The following ZMAT4 variants were observed in gnomAD, a reference collection of about 807,000 sequenced individuals.
ZMAT4 encodes the protein zinc finger matrin-type 4.
In ZMAT4, 17 loss-of-function variants were observed where a neutral mutation model predicts 28.7. The observed-to-expected ratio is 0.59, with a 90% CI of 0.41 to 0.89. The LOEUF (loss-of-function observed/expected upper bound fraction) is 0.89. Ranked by LOEUF, ZMAT4 falls within the 40% of genes least tolerant of loss-of-function variation. The pLI, the probability that ZMAT4 is intolerant of heterozygous loss-of-function variation, is 0.00. For missense variants in ZMAT4, 240 were observed against 283.8 expected (o/e 0.85, Z 1.11); for synonymous variants, 117 against 109.2 (o/e 1.07, Z -0.44).
At chr8:40,594,943 T>C (rs894798057) in intron 5 of ZMAT4, among the ~76,000 whole-genome samples, 2 of 152,196 alleles carry the variant, frequency 1.3e-5, no homozygotes, top group Non-Finnish European at 2.9e-5. Flanking sequence ...AGATACAACA[T>C]TACACGAACA....
chr8:40,755,332 T>C (rs1265486577), intron 3 of ZMAT4, among the ~76,000 whole-genome samples: 1 of 152,154 alleles, frequency 6.6e-6, no homozygotes, highest in Admixed American at 6.5e-5. Context: ...GGATATACCA[T>C]CCCTGTTGCA....
intron 3 of ZMAT4, among the ~76,000 whole-genome samples, chr8:40,711,172 C>T (rs886617666): frequency 3.9e-5 from 6 of 152,100 alleles, no homozygotes; most frequent in Admixed American, 3.9e-4. Flanking sequence ...GATAGGGAAC[C>T]AGTTCTTTAA....
At chr8:40,879,724 A>G (rs1485932750) in intron 1 of ZMAT4, among the ~76,000 whole-genome samples, 1 of 152,232 alleles carries the variant, frequency 6.6e-6, no homozygotes, top group Non-Finnish European at 1.5e-5. Context: ...AACAAAAATC[A>G]TCAATCATCT....
At chr8:40,651,884 G>C (rs1807676100) in intron 5 of ZMAT4, among the ~76,000 whole-genome samples, 1 of 123,288 alleles carries the variant, frequency 8.1e-6, no homozygotes, top group Admixed American at 8.6e-5. Context: ...GCCATATGTA[G>C]AAAGCTGAAA....
In ZMAT4 at chr8:40,827,019, G is replaced by A. The variant is rs115623081; in HGVS notation, c.-4-1339C>T. On this transcript the variant is annotated intron_variant, in intron 1 of 6. Transcript: ENST00000297737. Reference sequence around the variant, plus strand: ...ATCTCAGACAACAGCAATATGGTAGGCACTTTGGACTTTATCTTATTTCAC... The same window carrying A: ...ATCTCAGACAACAGCAATATGGTAGACACTTTGGACTTTATCTTATTTCAC... 6.4e-3 allele frequency among the ~76,000 whole-genome samples: 969 copies of A among 152,284 alleles called. 11 individuals carry two copies. Among genetic ancestry groups the A allele is most frequent in the African/African-American group, 0.022 (912 of 41,560 alleles).
At chr8:40,819,285 C>T (rs981751686) in intron 2 of ZMAT4, among the ~76,000 whole-genome samples, 1 of 152,158 alleles carries the variant, frequency 6.6e-6, no homozygotes, top group African/African-American at 2.4e-5. Flanking sequence ...GAAAACTTTC[C>T]CACTGGCTTG....
At chr8:40,752,185 C>A (rs956098452) in intron 3 of ZMAT4, among the ~76,000 whole-genome samples, 1 of 152,174 alleles carries the variant, frequency 6.6e-6, no homozygotes, top group African/African-American at 2.4e-5. Context: ...CTTTGTGACA[C>A]CAGGGTGCCC....
At chr8:40,701,726 C>CA (rs1356224740) in intron 3 of ZMAT4, among the ~76,000 whole-genome samples, 1 of 151,678 alleles carries the variant, frequency 6.6e-6, no homozygotes, top group African/African-American at 2.4e-5. Flanking sequence ...CCATGTTGGC[C>CA]AAGCTAGTCT....
intron 1 of ZMAT4, among the ~76,000 whole-genome samples, chr8:40,865,413 G>T (rs186180986): frequency 1.6e-3 from 242 of 152,332 alleles, no homozygotes; most frequent in Non-Finnish European, 3.0e-3. Context: ...GCAGATCTGG[G>T]CCATGGAGAG....
At chr8:40,855,318 C>A (rs1404887363) in intron 1 of ZMAT4, among the ~76,000 whole-genome samples, 1 of 152,122 alleles carries the variant, frequency 6.6e-6, no homozygotes, top group Non-Finnish European at 1.5e-5. Context: ...TGGTTATGGG[C>A]TTTTCTGCTG....
intron 5 of ZMAT4, among the ~76,000 whole-genome samples, chr8:40,617,264 G>A (rs571912651): frequency 3.3e-5 from 5 of 152,164 alleles, no homozygotes; most frequent in African/African-American, 7.2e-5. Flanking sequence ...ATGTTGGAAC[G>A]TTGGTTGCAA....
At chr8:40,617,092 T>C (rs1401189407) in intron 5 of ZMAT4, among the ~76,000 whole-genome samples, 3 of 152,152 alleles carry the variant, frequency 2.0e-5, no homozygotes, top group Non-Finnish European at 4.4e-5. Context: ...CACAATGTGA[T>C]ATCGTGACAT....
intron 3 of ZMAT4, among the ~76,000 whole-genome samples, chr8:40,731,921 A>C (rs143984394): frequency 1.5e-3 from 233 of 152,320 alleles, no homozygotes; most frequent in African/African-American, 5.5e-3. Context: ...ACAAATGCTG[A>C]AACATGGATG....
intron 5 of ZMAT4, among the ~76,000 whole-genome samples, chr8:40,582,174 G>T (rs960618060): frequency 1.3e-5 from 2 of 152,156 alleles, no homozygotes; most frequent in Non-Finnish European, 2.9e-5. Context: ...CCATCTACAA[G>T]ACGAAGACAA....
chr8:40,804,806 A>T (rs1051854526), intron 2 of ZMAT4, among the ~76,000 whole-genome samples: 12 of 152,078 alleles, frequency 7.9e-5, no homozygotes, highest in Admixed American at 7.9e-4. Context: ...GGGCCATTGC[A>T]CTCCAGCCTG....
At chr8:40,686,867 G>C (rs370362636) in intron 4 of ZMAT4, among the ~76,000 whole-genome samples, 8 of 152,020 alleles carry the variant, frequency 5.3e-5, no homozygotes, top group Admixed American at 4.6e-4. Flanking sequence ...TACTTTGCAG[G>C]CATCTTGACC....
chr8:40,705,626 CAG>C (rs1204661722), intron 3 of ZMAT4, among the ~76,000 whole-genome samples: 1 of 152,082 alleles, frequency 6.6e-6, no homozygotes, highest in African/African-American at 2.4e-5. Flanking sequence ...TTTTAATTGA[CAG>C]ATAAAATTCT....
intron 2 of ZMAT4, among the ~76,000 whole-genome samples, chr8:40,803,018 T>C (rs1166989921): frequency 6.6e-6 from 1 of 152,068 alleles, no homozygotes; most frequent in Admixed American, 6.5e-5. Flanking sequence ...GACATCCACA[T>C]ACACAACAAA....
At chr8:40,773,936 T>C (rs1813488474) in intron 2 of ZMAT4, among the ~76,000 whole-genome samples, 1 of 151,756 alleles carries the variant, frequency 6.6e-6, no homozygotes, top group Non-Finnish European at 1.5e-5. Flanking sequence ...AACAGACAAA[T>C]ACATGGAATA....
Sources: gnomAD v4.1 joint callset for allele counts (sites outside exome capture counted in the v4.1 genomes callset) on GRCh38, gnomAD v4.1.1 for gene constraint, MANE v1.5 for transcripts, NCBI Gene and HGNC (gene_info 2026-07-23, HGNC 2026-07-21) for gene names.